Variants in BICD2 observed in about 807,000 individuals in gnomAD.
BICD2 encodes BICD cargo adaptor 2.
A neutral mutation model predicts 72.9 loss-of-function variants in BICD2; 25 were observed. That is an observed-to-expected ratio of 0.34 (90% CI 0.25 to 0.48). The LOEUF is 0.48. BICD2 is among the 20% of genes least tolerant of loss of function. BICD2 has a pLI of 0.99. For synonymous variants in BICD2, 501 were observed against 516.1 expected (o/e 0.97, Z 0.40); for missense variants, 894 against 1,175.2 (o/e 0.76, Z 3.50).
intron 2 of BICD2, among the ~76,000 whole-genome samples, chr9:92,725,591 G>A (rs1291904031): frequency 3.3e-5 from 5 of 152,234 alleles, no homozygotes; most frequent in Non-Finnish European, 5.9e-5. Flanking sequence ...GCTCTGCTGC[G>A]TGTGACTGGG....
chr9:92,736,034 C>T (rs1212217738), intron 1 of BICD2, among the ~76,000 whole-genome samples: 1 of 152,218 alleles, frequency 6.6e-6, no homozygotes, highest in Non-Finnish European at 1.5e-5. Context: ...CAGAACAACT[C>T]CATCTTGAAT....
At position 92,711,576 on chromosome 9, in the gene BICD2, C is replaced by T. The variant is rs1370769426; in HGVS notation, c.*3578G>A. 3 of 152,412 alleles carry T rather than the reference C, an allele frequency of 2.0e-5. No homozygotes were observed. The highest frequency in any genetic ancestry group is 7.3e-5 in the African/African-American group (3 of 41,358). The allele number at this position is 152,412 out of a possible 1,614,324, so 9.4% of individuals were successfully genotyped here. A position where few individuals can be genotyped will look rare whatever the true frequency, so the allele number is the denominator to read the frequency against. On this transcript the variant is annotated 3_prime_UTR_variant, in exon 7 of 7. Coordinates refer to ENST00000356884, the MANE Select transcript of BICD2 (RefSeq NM_001003800.2). ...TTGATTATTATTTTTTTGTTTGGGTCTGTGTAAAGGTTCCTTGGCAGGAGA... is the reference window on the plus strand; with the variant it reads ...TTGATTATTATTTTTTTGTTTGGGTTTGTGTAAAGGTTCCTTGGCAGGAGA...
chr9:92,764,108 C>A lies in BICD2; in HGVS notation c.240+397G>T, dbSNP rs1854430352. 6.6e-6 allele frequency among the ~76,000 whole-genome samples: 1 copy of A among 152,164 alleles called. No individual in the cohort carries two copies. Among genetic ancestry groups the A allele is most frequent in the Non-Finnish European group, 1.5e-5 (1 of 68,020 alleles). On this transcript the variant is annotated intron_variant, in intron 1 of 6. Transcript: ENST00000356884. This position sits in a 1 kb window ranked among gnomAD's most constrained non-coding sequence, Gnocchi z 5.5. ...ACCCTCGGCCTCTCCCAGCGGGTCA[C>A]CAGCATCCGTGGCCTCAGCTCCCGG...
intron 5 of BICD2, 110 bp downstream of exon 5, chr9:92,718,428 TG>T: frequency 7.7e-7 from 1 of 1,296,984 alleles, no homozygotes; most frequent in Non-Finnish European, 1.0e-6. Flanking sequence ...CTCTGTCTGG[TG>T]GTGACGCAGG....
chr9:92,751,894 TC>T (rs1042595095), intron 1 of BICD2, among the ~76,000 whole-genome samples: 20 of 150,762 alleles, frequency 1.3e-4, no homozygotes, highest in Non-Finnish European at 2.1e-4. Context: ...AACCTCCGCC[TC>T]CTGGGTTCAA....
chr9:92,717,464 G>T (rs968680917), intron 6 of BICD2, among the ~76,000 whole-genome samples: 1 of 152,260 alleles, frequency 6.6e-6, no homozygotes, highest in Non-Finnish European at 1.5e-5. Flanking sequence ...CCACATGTGG[G>T]CACCTGCCAG....
chr9:92,743,219 G>T (rs1471547994), intron 1 of BICD2, among the ~76,000 whole-genome samples: 1 of 152,074 alleles, frequency 6.6e-6, no homozygotes, highest in Non-Finnish European at 1.5e-5. Context: ...GGAAGACAGG[G>T]TCTCACTCTG....
At chr9:92,740,512 A>G (rs1306509069) in intron 1 of BICD2, among the ~76,000 whole-genome samples, 1 of 152,074 alleles carries the variant, frequency 6.6e-6, no homozygotes, top group Non-Finnish European at 1.5e-5. Context: ...GATCACGGCC[A>G]AAGCAGTACT....
In BICD2 at chr9:92,752,281, G is replaced by A. The variant is rs1380093728; in HGVS notation, c.240+12224C>T. On this transcript the variant is annotated intron_variant, in intron 1 of 6. Coordinates refer to ENST00000356884, the MANE Select transcript of BICD2 (RefSeq NM_001003800.2). ...AATAGCTGATTCTAGGACTGAGGGA[G>A]GAAACAGATAAGCCTGCAACATCTT... Among the ~76,000 whole-genome samples, 7 of 151,662 alleles carry A rather than the reference G, an allele frequency of 4.6e-5. 1 individual carries two copies. The highest frequency in any genetic ancestry group is 6.4e-3 in the Middle Eastern group (2 of 314).
At chr9:92,750,629 G>A (rs957701420) in intron 1 of BICD2, among the ~76,000 whole-genome samples, 1 of 152,042 alleles carries the variant, frequency 6.6e-6, no homozygotes, top group Non-Finnish European at 1.5e-5. Flanking sequence ...GCCAGAGGTT[G>A]ACGGGGGTGG....
chr9:92,725,868 A>G (rs948216956), intron 2 of BICD2, among the ~76,000 whole-genome samples: 2 of 152,244 alleles, frequency 1.3e-5, no homozygotes, highest in Non-Finnish European at 2.9e-5. Flanking sequence ...GCAAATATGA[A>G]GAAAGATCTT....
intron 1 of BICD2, among the ~76,000 whole-genome samples, chr9:92,732,014 G>A (rs1853688715): frequency 6.6e-6 from 1 of 152,132 alleles, no homozygotes; most frequent in South Asian, 2.1e-4. Context: ...CTACATCCCA[G>A]AACAAAGCTC....
rs1410331684 is a variant in BICD2 at position 92,718,592 on chromosome 9, T to C, written c.2053A>G (p.Thr685Ala). 1 of 1,613,506 alleles carries C rather than the reference T, an allele frequency of 6.2e-7. No individual in the cohort carries two copies. The highest frequency in any genetic ancestry group is 8.5e-7 in the Non-Finnish European group (1 of 1,180,024). Residue 685 changes from threonine to alanine, a missense_variant, in exon 5 of 7, where the codon ACC becomes GCC. Transcript: ENST00000356884. The part of the protein sequence containing the change: ...EILKLKSLLS[T>A]KREQITTLRT... ...AGCGTGGTGATCTGCTCCCGCTTGGTGCTGAGCAGCGACTTCAGCTTGAGG... is the reference window on the plus strand; with the variant it reads ...AGCGTGGTGATCTGCTCCCGCTTGGCGCTGAGCAGCGACTTCAGCTTGAGG...
intron 1 of BICD2, among the ~76,000 whole-genome samples, chr9:92,763,036 GC>G: frequency 6.6e-6 from 1 of 152,298 alleles, no homozygotes; most frequent in East Asian, 1.9e-4. Context: ...CCCTCTTGTA[GC>G]TCCAGCGCCA....
At chr9:92,759,511 C>T (rs1240017581) in intron 1 of BICD2, among the ~76,000 whole-genome samples, 1 of 152,244 alleles carries the variant, frequency 6.6e-6, no homozygotes, top group Non-Finnish European at 1.5e-5. Context: ...CTGCCTGCCA[C>T]TCAGTCCCCA....
intron 2 of BICD2, among the ~76,000 whole-genome samples, chr9:92,727,065 A>G (rs1170438172): frequency 6.6e-6 from 1 of 152,100 alleles, no homozygotes; most frequent in African/African-American, 2.4e-5. Context: ...CCTCCCACCG[A>G]CCAGAGGGCT....
chr9:92,717,780 G>C lies in BICD2; in HGVS notation c.2258+17C>G, dbSNP rs554612134. 9 of 1,596,688 alleles carry C rather than the reference G, an allele frequency of 5.6e-6. No homozygotes were observed. In the Admixed American group the frequency reaches 1.4e-4, roughly 24 times the overall value. ...CTGGCCTTGTGGAAGGGGAGGGCCC[G>C]ACAGCAGCACGGTTACCTGGTGGCA... On this transcript the variant is annotated intron_variant, in intron 6 of 6. Coordinates refer to ENST00000356884, the MANE Select transcript of BICD2 (RefSeq NM_001003800.2).
intron 1 of BICD2, among the ~76,000 whole-genome samples, chr9:92,732,264 A>G (rs899668273): frequency 3.9e-5 from 6 of 152,348 alleles, no homozygotes; most frequent in African/African-American, 1.4e-4. Context: ...AATGAAACAC[A>G]GAGAAAAAAA....
intron 1 of BICD2, among the ~76,000 whole-genome samples, chr9:92,748,893 T>C (rs1200745365): frequency 2.6e-5 from 4 of 152,158 alleles, no homozygotes; most frequent in African/African-American, 7.2e-5. Flanking sequence ...CAAGGTGAGA[T>C]GATTCATCTG....
Sources: gnomAD v4.1 joint callset for allele counts (sites outside exome capture counted in the v4.1 genomes callset) on GRCh38, gnomAD v4.1.1 for gene constraint, Gnocchi (gnomAD v3.1) non-coding constraint, MANE v1.5 for transcripts, NCBI Gene and HGNC (gene_info 2026-07-23, HGNC 2026-07-21) for gene names.